The following R3HDM2 variants were observed in gnomAD, a reference collection of about 807,000 sequenced individuals.
R3HDM2 encodes R3H domain containing 2.
A neutral mutation model predicts 124.5 loss-of-function variants in R3HDM2; 38 were observed. The ratio of observed to expected loss-of-function variants is 0.31; its 90% confidence interval spans 0.24 to 0.40. The LOEUF is 0.40. Among genes scored for constraint, R3HDM2 ranks in the 10% least tolerant of loss-of-function variants. R3HDM2 has a pLI of 1.00. For synonymous variants in R3HDM2, 391 were observed against 448.0 expected, an observed-to-expected ratio of 0.87 and a Z score of 1.61; for missense variants, 869 against 1,236.9, an observed-to-expected ratio of 0.70 and a Z score of 4.46.
At chr12:57,371,083 CTTTTTTTTTTT>C (rs775839017) in intron 2 of R3HDM2, among the ~76,000 whole-genome samples, 565 of 40,944 alleles carry the variant, frequency 0.014, 13 homozygotes, top group African/African-American at 0.045. Flanking sequence ...TATACCATTA[CTTTTTTTTTTT>C]TTTTTTTTTT....
At chr12:57,395,503 C>CA (rs1429604857) in intron 2 of R3HDM2, among the ~76,000 whole-genome samples, 64 of 140,172 alleles carry the variant, frequency 4.6e-4, no homozygotes, top group South Asian at 5.1e-4. Flanking sequence ...AACTTCATCT[C>CA]AAAAAAAAAA....
At chr12:57,381,508 G>A (rs971465889) in intron 2 of R3HDM2, among the ~76,000 whole-genome samples, 2 of 133,076 alleles carry the variant, frequency 1.5e-5, no homozygotes, top group South Asian at 2.3e-4. Flanking sequence ...TCGTACCACT[G>A]CACTCCAGCC....
At chr12:57,430,568 C>T in intron 1 of R3HDM2, 152 bp downstream of exon 1, 2 of 985,052 alleles carry the variant, frequency 2.0e-6, no homozygotes, top group South Asian at 4.7e-5. Flanking sequence ...TTCCCGCGGC[C>T]ATCCGACCCT....
rs908318583 is a variant in R3HDM2, at chr12:57,256,479, A to G, written c.2482T>C (p.Leu828=). Residue 828 remains leucine, a synonymous_variant, in exon 22 of 24, where the codon TTA becomes CTA. Transcript: ENST00000402412. ...DGRYSLLGQP[L]QYNLSICPPL... is the part of the protein sequence containing the mutation. ...GGGCAGATGGACAGATTGTACTGTA[A>G]TGGCTGGCCCAAAAGGGAGTAGCGC... The G allele has an allele frequency of 1.5e-5, 24 of 1,596,252 alleles. No individual in the cohort carries two copies. The highest frequency in any genetic ancestry group is 2.0e-5 in the Non-Finnish European group (24 of 1,171,116).
intron 1 of R3HDM2, among the ~76,000 whole-genome samples, chr12:57,419,254 G>A (rs2069953317): frequency 6.8e-6 from 1 of 146,976 alleles, no homozygotes; most frequent in East Asian, 2.0e-4. Flanking sequence ...AGAGATTCTT[G>A]TGCCTCAGCC....
intron 1 of R3HDM2, among the ~76,000 whole-genome samples, chr12:57,425,503 T>TA (rs2070651767): frequency 6.6e-6 from 1 of 151,850 alleles, no homozygotes; most frequent in Non-Finnish European, 1.5e-5. Context: ...TACAAAGTGT[T>TA]AAAAGCACAC....
chr12:57,339,869 G>A (rs988700393), intron 2 of R3HDM2, among the ~76,000 whole-genome samples: 1 of 152,072 alleles, frequency 6.6e-6, no homozygotes, highest in African/African-American at 2.4e-5. Flanking sequence ...TATCCCAAAC[G>A]GGGTGATGCT....
At chr12:57,385,139 G>A (rs1215971908) in intron 2 of R3HDM2, among the ~76,000 whole-genome samples, 1 of 151,696 alleles carries the variant, frequency 6.6e-6, no homozygotes, top group Non-Finnish European at 1.5e-5. Flanking sequence ...GGGCAACAGA[G>A]TGAGACTCCA....
In R3HDM2 at chr12:57,430,783, T is replaced by C. The variant is rs1469503750; in HGVS notation, c.-169A>G. 1 of 157,750 alleles carries C rather than the reference T, an allele frequency of 6.3e-6. No individual in the cohort carries two copies. Among genetic ancestry groups the C allele is most frequent in the Non-Finnish European group, 1.3e-5 (1 of 75,718 alleles). The allele number at this position is 157,750 out of a possible 1,614,324, so 9.8% of individuals were successfully genotyped here. On this transcript the variant is annotated 5_prime_UTR_variant, in exon 1 of 24. Transcript: ENST00000402412. ...GCCCGCCGCCCGGGCCCACGGCCGC[T>C]CGGCTGCGGCTCGGCCCCGACGGCC... is the stretch of plus-strand genomic sequence containing the variant.
At chr12:57,317,192 T>C (rs544919329) in intron 2 of R3HDM2, among the ~76,000 whole-genome samples, 35 of 151,350 alleles carry the variant, frequency 2.3e-4, no homozygotes, top group African/African-American at 8.0e-4. Flanking sequence ...TTTTGTGTTT[T>C]TTTTTGTTTG....
intron 14 of R3HDM2, among the ~76,000 whole-genome samples, chr12:57,271,834 T>C (rs1043025992): frequency 2.6e-5 from 4 of 152,000 alleles, no homozygotes; most frequent in Non-Finnish European, 5.9e-5. Context: ...TAAACTGACA[T>C]GGTAAAACAG....
At chr12:57,337,971 T>C (rs1412940699) in intron 2 of R3HDM2, among the ~76,000 whole-genome samples, 1 of 152,244 alleles carries the variant, frequency 6.6e-6, no homozygotes, top group Non-Finnish European at 1.5e-5. Context: ...TTTTAATTTT[T>C]ATGATTAGAA....
chr12:57,409,675 A>AT lies in R3HDM2; in HGVS notation c.-105-13858dup, dbSNP rs56932459. Among the ~76,000 whole-genome samples, 309 of 151,732 alleles carry AT rather than the reference A, an allele frequency of 2.0e-3. 1 individual carries two copies. Among genetic ancestry groups the AT allele is most frequent in the African/African-American group, 6.8e-3 (284 of 41,484 alleles). On this transcript the variant is annotated intron_variant, in intron 1 of 23. Coordinates refer to ENST00000402412, the MANE Select transcript of R3HDM2 (RefSeq NM_001394031.1). ...AGTACCTACAAGCTTCAGAGATGAC[A>AT]TATAGCCCCTTTATCCCTTTTGTAA...
At chr12:57,269,275 G>T in intron 16 of R3HDM2, 48 bp downstream of exon 16, 1 of 1,605,246 alleles carries the variant, frequency 6.2e-7, no homozygotes, top group Non-Finnish European at 8.5e-7. Context: ...CTTTCCTGGT[G>T]TGCCCTTCCC....
chr12:57,262,942 A>C (rs574000217), intron 19 of R3HDM2, among the ~76,000 whole-genome samples: 33 of 152,292 alleles, frequency 2.2e-4, no homozygotes, highest in African/African-American at 7.7e-4. Context: ...AATTCCAAAG[A>C]AGCAAGGAAA....
At chr12:57,338,554 T>TA (rs1421129927) in intron 2 of R3HDM2, among the ~76,000 whole-genome samples, 4 of 152,134 alleles carry the variant, frequency 2.6e-5, no homozygotes, top group Non-Finnish European at 5.9e-5. Flanking sequence ...CACGCCCAGC[T>TA]AATTTATTTG....
intron 2 of R3HDM2, among the ~76,000 whole-genome samples, chr12:57,324,107 T>C (rs941101736): frequency 1.3e-5 from 2 of 152,166 alleles, no homozygotes; most frequent in African/African-American, 4.8e-5. Context: ...CTAACTTAAA[T>C]GCCAGGCAAC....
At chr12:57,324,141 T>C (rs2056903610) in intron 2 of R3HDM2, among the ~76,000 whole-genome samples, 1 of 152,196 alleles carries the variant, frequency 6.6e-6, no homozygotes, top group Admixed American at 6.5e-5. Flanking sequence ...CCATAACCGA[T>C]GACCTTAGAA....
intron 2 of R3HDM2, among the ~76,000 whole-genome samples, chr12:57,327,981 A>C (rs975764477): frequency 6.6e-6 from 1 of 152,200 alleles, no homozygotes; most frequent in Non-Finnish European, 1.5e-5. Flanking sequence ...TTGCAAGTTC[A>C]ACTGTGGATA....
Sources: gnomAD v4.1 joint callset for allele counts (sites outside exome capture counted in the v4.1 genomes callset) on GRCh38, gnomAD v4.1.1 for gene constraint, MANE v1.5 for transcripts, NCBI Gene and HGNC (gene_info 2026-07-23, HGNC 2026-07-21) for gene names.